Variants in SHOC2 observed in about 807,000 individuals in gnomAD.
SHOC2 encodes the protein leucine-rich repeat protein SHOC-2.
A neutral mutation model predicts 50.2 loss-of-function variants in SHOC2; 4 were observed. The observed-to-expected ratio is 0.08, with a 90% CI of 0.04 to 0.18. SHOC2 has a LOEUF of 0.18. Ranked by LOEUF, SHOC2 falls within the 10% of genes least tolerant of loss-of-function variation. SHOC2 has a pLI of 1.00. For missense variants in SHOC2, 388 were observed against 669.6 expected, an observed-to-expected ratio of 0.58 and a Z score of 4.64; for synonymous variants, 218 against 244.5, an observed-to-expected ratio of 0.89 and a Z score of 1.01.
chr10:111,012,159 G>T lies in SHOC2; in HGVS notation c.*341G>T. 1 of 220,724 alleles carries T rather than the reference G, an allele frequency of 4.5e-6. No individual in the cohort carries two copies. The allele number at this position is 220,724 out of a possible 1,614,324, so 13.7% of individuals were successfully genotyped here. On this transcript the variant is annotated 3_prime_UTR_variant, in exon 9 of 9. Coordinates refer to ENST00000369452, the MANE Select transcript of SHOC2 (RefSeq NM_007373.4). ...ATACTTTCTCTTAGGAAAAATAATGGGCAAAAATTTTTGTTGCAACTTTTC... is the reference window on the plus strand; with the variant it reads ...ATACTTTCTCTTAGGAAAAATAATGTGCAAAAATTTTTGTTGCAACTTTTC...
At chr10:110,989,454 TCTC>T (rs1210016743) in intron 3 of SHOC2, among the ~76,000 whole-genome samples, 2 of 152,178 alleles carry the variant, frequency 1.3e-5, no homozygotes, top group Non-Finnish European at 2.9e-5. Flanking sequence ...GGAGCAGTAT[TCTC>T]CTATAGTTCT....
chr10:110,997,697 T>TA (rs1048398437), intron 3 of SHOC2, among the ~76,000 whole-genome samples: 1 of 152,194 alleles, frequency 6.6e-6, no homozygotes, highest in African/African-American at 2.4e-5. Context: ...CTAAGTATCT[T>TA]ACGCACGTTA....
rs1369685354 is a variant in SHOC2 at position 111,009,390 on chromosome 10, A to G, written c.1422+5A>G. The G allele has an allele frequency of 2.5e-6, 4 of 1,605,324 alleles. No individual in the cohort carries two copies. Among genetic ancestry groups the G allele is most frequent in the Admixed American group, 3.3e-5 (2 of 59,894 alleles). On this transcript the variant is annotated splice_donor_5th_base_variant and intron_variant, in intron 7 of 8. Transcript: ENST00000369452. ...GCATATCTTAAGGATTTACAGGTAA[A>G]CATTATGCTGATTTTGTAGTTTTAT...
chr10:110,968,120 G>A (rs1847712459), intron 2 of SHOC2, among the ~76,000 whole-genome samples: 1 of 152,168 alleles, frequency 6.6e-6, no homozygotes, highest in African/African-American at 2.4e-5. Flanking sequence ...TGCATCCTCA[G>A]TAACCTTGTT....
At chr10:110,982,769 T>C (rs1260360531) in intron 2 of SHOC2, among the ~76,000 whole-genome samples, 4 of 152,238 alleles carry the variant, frequency 2.6e-5, no homozygotes, top group African/African-American at 7.2e-5. Flanking sequence ...GTTCCTGACA[T>C]AGAAATCTCA....
chr10:111,003,350 C>CT (rs1039300769), intron 4 of SHOC2, among the ~76,000 whole-genome samples: 3 of 152,282 alleles, frequency 2.0e-5, no homozygotes, highest in East Asian at 1.9e-4. Flanking sequence ...TTCTATTTCT[C>CT]TGAGTATTTT....
intron 1 of SHOC2, among the ~76,000 whole-genome samples, chr10:110,933,669 T>G (rs1382401311): frequency 4.6e-5 from 7 of 152,166 alleles, no homozygotes; most frequent in Non-Finnish European, 7.4e-5. Context: ...CGCAGTGGCA[T>G]GCACCTGTAG....
At chr10:110,942,450 C>G (rs1382165623) in intron 1 of SHOC2, among the ~76,000 whole-genome samples, 1 of 152,126 alleles carries the variant, frequency 6.6e-6, no homozygotes, top group African/African-American at 2.4e-5. Flanking sequence ...TGAGCTCAAG[C>G]AAGTCTCCCG....
intron 3 of SHOC2, among the ~76,000 whole-genome samples, chr10:110,992,229 A>G (rs1848197976): frequency 6.6e-6 from 1 of 152,194 alleles, no homozygotes; most frequent in Non-Finnish European, 1.5e-5. Context: ...GATGTGAGGA[A>G]GAGACAGAAG....
At chr10:110,992,487 T>C (rs977357200) in intron 3 of SHOC2, among the ~76,000 whole-genome samples, 14 of 152,194 alleles carry the variant, frequency 9.2e-5, no homozygotes, top group African/African-American at 3.4e-4. Flanking sequence ...GGTAGTTTTA[T>C]GTAATCCAGG....
At chr10:110,994,552 C>CA (rs1328234896) in intron 3 of SHOC2, among the ~76,000 whole-genome samples, 1 of 152,086 alleles carries the variant, frequency 6.6e-6, no homozygotes, top group African/African-American at 2.4e-5. Context: ...ACATGAAACA[C>CA]TTTACAATGG....
At chr10:110,929,491 CT>C (rs1463895424) in intron 1 of SHOC2, among the ~76,000 whole-genome samples, 5 of 152,146 alleles carry the variant, frequency 3.3e-5, no homozygotes, top group Non-Finnish European at 5.9e-5. Flanking sequence ...TCTTTATCTG[CT>C]TGAACTGCTA....
At chr10:110,919,542 C>T (rs1273859426), upstream of SHOC2, 2 of 11,908 alleles carry the variant, frequency 1.7e-4, no homozygotes, top group Admixed American at 1.8e-3. Flanking sequence ...CGGGGCGGGG[C>T]GAGTGGGGGA....
At chr10:110,936,656 G>A (rs769879180) in intron 1 of SHOC2, 336 of 911,316 alleles carry the variant, frequency 3.7e-4, no homozygotes, top group Admixed American at 6.8e-4. Context: ...GAGGACCTCT[G>A]TGTATTTGTC....
intron 2 of SHOC2, among the ~76,000 whole-genome samples, chr10:110,979,606 G>C (rs1022982376): frequency 6.6e-6 from 1 of 152,060 alleles, no homozygotes; most frequent in Non-Finnish European, 1.5e-5. Context: ...TTATCAACAC[G>C]ACTTCACCAC....
At chr10:110,970,373 T>TTTTA (rs1440107378) in intron 2 of SHOC2, among the ~76,000 whole-genome samples, 11 of 152,190 alleles carry the variant, frequency 7.2e-5, no homozygotes, top group African/African-American at 2.7e-4. Context: ...AATGACAGAA[T>TTTTA]TTTATTCTTT....
chr10:110,946,436 T>C (rs1177921726), intron 1 of SHOC2, among the ~76,000 whole-genome samples: 1 of 150,632 alleles, frequency 6.6e-6, no homozygotes, highest in African/African-American at 2.5e-5. Flanking sequence ...CTTTCACAGT[T>C]TTCACATTCA....
At chr10:111,011,208 T>TTTC (rs2134182512) in intron 8 of SHOC2, among the ~76,000 whole-genome samples, 1 of 152,334 alleles carries the variant, frequency 6.6e-6, no homozygotes, top group South Asian at 2.1e-4. Context: ...AGAAAAGTGG[T>TTTC]TATAGACATT....
intron 2 of SHOC2, among the ~76,000 whole-genome samples, chr10:110,974,911 AT>A (rs1040594962): frequency 1.3e-5 from 2 of 152,146 alleles, no homozygotes; most frequent in Non-Finnish European, 2.9e-5. Flanking sequence ...TTTTTAAACA[AT>A]TTTTCAAAAT....
Sources: allele counts gnomAD v4.1 joint callset (sites outside exome capture counted in the v4.1 genomes callset), GRCh38; gene constraint gnomAD v4.1.1; transcripts MANE v1.5; gene names NCBI Gene and HGNC (gene_info 2026-07-23, HGNC 2026-07-21).